Variants in PTPRT observed in about 807,000 individuals in gnomAD.
The protein encoded by PTPRT is receptor-type tyrosine-protein phosphatase T.
PTPRT carries 56 observed loss-of-function variants against 176.8 expected under a neutral mutation model. The ratio of observed to expected loss-of-function variants is 0.32; its 90% CI spans 0.26 to 0.40. PTPRT has a LOEUF of 0.40. Among genes scored for constraint, PTPRT ranks in the 10% least tolerant of loss-of-function variants. The probability of loss-of-function intolerance (pLI) is 1.00; values close to 1 mark genes in which losing one functional copy is unlikely to be tolerated. For synonymous variants in PTPRT, 783 were observed against 739.0 expected (o/e 1.06, Z -0.96); for missense variants, 1,540 against 1,908.2 (o/e 0.81, Z 3.60).
At chr20:42,774,848 C>T (rs543144800) in intron 4 of PTPRT, among the ~76,000 whole-genome samples, 87 of 152,288 alleles carry the variant, frequency 5.7e-4, no homozygotes, top group Non-Finnish European at 1.0e-3. Context: ...ACAGGCAGTG[C>T]TCTCTGGTGA....
At chr20:42,868,179 G>A (rs1253608237) in intron 2 of PTPRT, among the ~76,000 whole-genome samples, 3 of 152,180 alleles carry the variant, frequency 2.0e-5, no homozygotes, top group Non-Finnish European at 4.4e-5. Flanking sequence ...AGTATTAAGG[G>A]TGTTTCTGGC....
chr20:42,888,532 C>G (rs2079139914), intron 1 of PTPRT, among the ~76,000 whole-genome samples: 1 of 152,184 alleles, frequency 6.6e-6, no homozygotes, highest in African/African-American at 2.4e-5. Flanking sequence ...ATGACCTGCT[C>G]AGGCAACATG....
chr20:42,993,248 C>T (rs1270014396), intron 1 of PTPRT, among the ~76,000 whole-genome samples: 2 of 151,128 alleles, frequency 1.3e-5, no homozygotes, highest in Admixed American at 6.6e-5. Flanking sequence ...GAAACCCTGT[C>T]TCTACTAAAA....
intron 1 of PTPRT, among the ~76,000 whole-genome samples, chr20:42,996,641 T>C (rs1025143713): frequency 7.2e-5 from 11 of 152,068 alleles, no homozygotes; most frequent in Non-Finnish European, 1.3e-4. Flanking sequence ...TAGAAAAAAA[T>C]TCTTATCTAC....
chr20:42,953,378 G>A (rs1226451431), intron 1 of PTPRT, among the ~76,000 whole-genome samples: 5 of 152,184 alleles, frequency 3.3e-5, no homozygotes, highest in African/African-American at 1.2e-4. Context: ...TCAGTAAGAG[G>A]TAGAGCTGGG....
chr20:42,295,697 T>C (rs918706971), intron 12 of PTPRT, among the ~76,000 whole-genome samples: 2 of 152,120 alleles, frequency 1.3e-5, no homozygotes, highest in African/African-American at 2.4e-5. Context: ...AGGTCATTTA[T>C]TGTTGTACAG....
chr20:42,473,244 T>G (rs2145294870), intron 7 of PTPRT, among the ~76,000 whole-genome samples: 1 of 152,306 alleles, frequency 6.6e-6, no homozygotes, highest in South Asian at 2.1e-4. Flanking sequence ...TGAGCATGCC[T>G]TCTCACCCTA....
rs1010670960 is a variant in PTPRT, at chr20:42,880,679, T to C, written c.214+5128A>G. Among the ~76,000 whole-genome samples the C allele has an allele frequency of 2.0e-5, 3 of 152,158 alleles. No homozygotes were observed. In the East Asian group the frequency reaches 5.8e-4, roughly 29 times the overall value. ...CTGGTGGTAGCTGTAGTTAGTTCCA[T>C]AGGCAGGATAGACAGCTAGAGAGAG... On this transcript the variant is annotated intron_variant, in intron 2 of 30. Transcript: ENST00000373187.
At chr20:42,221,509 C>T (rs1381804747) in intron 15 of PTPRT, among the ~76,000 whole-genome samples, 2 of 150,218 alleles carry the variant, frequency 1.3e-5, no homozygotes, top group Non-Finnish European at 2.9e-5. Context: ...AGGAGAGAGA[C>T]AGCATGCAAG....
At chr20:43,000,113 C>T (rs1012771678) in intron 1 of PTPRT, among the ~76,000 whole-genome samples, 2 of 149,304 alleles carry the variant, frequency 1.3e-5, no homozygotes, top group African/African-American at 5.0e-5. Context: ...AAAAACCTGC[C>T]AAAGGAAAAC....
chr20:42,826,836 C>T (rs2078002378), intron 2 of PTPRT, among the ~76,000 whole-genome samples: 1 of 152,022 alleles, frequency 6.6e-6, no homozygotes, highest in Non-Finnish European at 1.5e-5. Flanking sequence ...GAATGGCACA[C>T]AAAAGCTCAA....
intron 2 of PTPRT, among the ~76,000 whole-genome samples, chr20:42,810,286 G>A (rs1409302097): frequency 1.3e-5 from 2 of 152,142 alleles, no homozygotes; most frequent in African/African-American, 4.8e-5. Context: ...GGCTGACAGA[G>A]TGAGGCTCCA....
At chr20:42,210,736 A>T (rs1163852426) in intron 15 of PTPRT, among the ~76,000 whole-genome samples, 1 of 152,140 alleles carries the variant, frequency 6.6e-6, no homozygotes, top group Non-Finnish European at 1.5e-5. Flanking sequence ...TAATTTACAG[A>T]TTCAATGCCA....
chr20:42,439,933 A>G (rs111923083), intron 9 of PTPRT, among the ~76,000 whole-genome samples: 1,683 of 152,254 alleles, frequency 0.011, 37 homozygotes, highest in African/African-American at 0.039. Flanking sequence ...TTTTTGAGAC[A>G]GTCTCGCTCT....
intron 2 of PTPRT, among the ~76,000 whole-genome samples, chr20:42,837,416 C>G (rs369552886): frequency 6.6e-6 from 1 of 152,222 alleles, no homozygotes; most frequent in African/African-American, 2.4e-5. Context: ...TATTGTGACA[C>G]CTGCCCTAGT....
intron 6 of PTPRT, among the ~76,000 whole-genome samples, chr20:42,722,101 G>T (rs2076312230): frequency 6.6e-6 from 1 of 152,118 alleles, no homozygotes; most frequent in Non-Finnish European, 1.5e-5. Context: ...TGGCCTCTTT[G>T]CTTCCTCCCA....
intron 29 of PTPRT, 144 bp from the exon 30 acceptor site, chr20:42,082,161 T>C (rs768036717): frequency 9.9e-5 from 123 of 1,238,802 alleles, no homozygotes; most frequent in Non-Finnish European, 1.3e-4. Flanking sequence ...GCCTGAGCCA[T>C]GAGTTATGGT....
chr20:42,380,086 G>A (rs970293451), intron 9 of PTPRT, among the ~76,000 whole-genome samples: 7 of 152,206 alleles, frequency 4.6e-5, no homozygotes, highest in African/African-American at 1.7e-4. Context: ...GAGGCTGGTA[G>A]TCCACTAAGA....
chr20:42,444,354 C>T (rs1209968100), intron 9 of PTPRT, among the ~76,000 whole-genome samples: 1 of 152,194 alleles, frequency 6.6e-6, no homozygotes. Flanking sequence ...CATAGATTTA[C>T]TTTCCCCTTC....
Sources: allele counts gnomAD v4.1 joint callset (sites outside exome capture counted in the v4.1 genomes callset), GRCh38; gene constraint gnomAD v4.1.1; transcripts MANE v1.5; gene names NCBI Gene and HGNC (gene_info 2026-07-23, HGNC 2026-07-21).